The following PCDH9 variants were observed in gnomAD, a reference collection of about 807,000 sequenced individuals.
PCDH9 encodes protocadherin 9.
Under a neutral mutation model 70.6 loss-of-function variants are expected in PCDH9, and 24 were observed. The ratio of observed to expected loss-of-function variants is 0.34; its 90% confidence interval spans 0.25 to 0.48. The LOEUF (loss-of-function observed/expected upper bound fraction) is 0.48. PCDH9 is among the 20% of genes least tolerant of loss of function. PCDH9 has a pLI of 0.99. For missense variants in PCDH9, 1,281 were observed against 1,503.6 expected (o/e 0.85, Z 2.45); for synonymous variants, 562 against 558.5 (o/e 1.01, Z -0.09).
chr13:66,444,813 G>A (rs1420706716), intron 4 of PCDH9, among the ~76,000 whole-genome samples: 1 of 151,764 alleles, frequency 6.6e-6, no homozygotes, highest in East Asian at 1.9e-4. Context: ...CGCCTTCCCC[G>A]GCCTCCCAAA....
intron 3 of PCDH9, among the ~76,000 whole-genome samples, chr13:66,645,472 C>A (rs959764032): frequency 6.6e-6 from 1 of 151,856 alleles, no homozygotes; most frequent in Non-Finnish European, 1.5e-5. Flanking sequence ...AAACTGCATG[C>A]GAGAGACATT....
chr13:66,912,275 T>G (rs2082480420), intron 2 of PCDH9, among the ~76,000 whole-genome samples: 1 of 152,144 alleles, frequency 6.6e-6, no homozygotes, highest in Non-Finnish European at 1.5e-5. Flanking sequence ...AATTGGTGTT[T>G]CAGAATACAC....
intron 3 of PCDH9, among the ~76,000 whole-genome samples, chr13:66,748,806 A>C (rs939370369): frequency 1.3e-5 from 2 of 152,196 alleles, no homozygotes; most frequent in Non-Finnish European, 2.9e-5. Context: ...GAGCACAAAG[A>C]GCTTCAACAT....
intron 4 of PCDH9, among the ~76,000 whole-genome samples, chr13:66,515,895 A>C (rs1177233224): frequency 6.6e-6 from 1 of 152,056 alleles, no homozygotes; most frequent in Non-Finnish European, 1.5e-5. Context: ...TGAGAATATG[A>C]GATCACCACC....
intron 2 of PCDH9, among the ~76,000 whole-genome samples, chr13:67,188,167 T>G (rs562602183): frequency 6.6e-6 from 1 of 152,294 alleles, no homozygotes; most frequent in Non-Finnish European, 1.5e-5. Flanking sequence ...CTGTGTCATA[T>G]GCTTATCATG....
intron 4 of PCDH9, among the ~76,000 whole-genome samples, chr13:66,489,778 A>T (rs1959003682): frequency 6.6e-6 from 1 of 152,168 alleles, no homozygotes; most frequent in South Asian, 2.1e-4. Context: ...CATCGATGAC[A>T]CACATACATT....
intron 4 of PCDH9, among the ~76,000 whole-genome samples, chr13:66,379,871 T>TA (rs942304142): frequency 3.3e-4 from 50 of 151,864 alleles, no homozygotes; most frequent in African/African-American, 9.2e-4. Flanking sequence ...GACTCTGATT[T>TA]AAAAAAAACA....
chr13:67,187,848 C>T (rs1030572055), intron 2 of PCDH9, among the ~76,000 whole-genome samples: 20 of 151,866 alleles, frequency 1.3e-4, no homozygotes, highest in South Asian at 4.2e-4. Context: ...CAATGTATAA[C>T]GATCCAATGG....
At chr13:66,478,022 A>G (rs1427228519) in intron 4 of PCDH9, among the ~76,000 whole-genome samples, 3 of 152,200 alleles carry the variant, frequency 2.0e-5, no homozygotes, top group Non-Finnish European at 2.9e-5. Flanking sequence ...TTGAGCAAGT[A>G]TAGCAGCACC....
At chr13:66,841,505 T>A (rs1333354150) in intron 3 of PCDH9, among the ~76,000 whole-genome samples, 1 of 152,192 alleles carries the variant, frequency 6.6e-6, no homozygotes, top group African/African-American at 2.4e-5. Flanking sequence ...TGTTAAGCAA[T>A]TTAAACAGCA....
intron 3 of PCDH9, among the ~76,000 whole-genome samples, chr13:66,701,070 T>C (rs2078640464): frequency 2.0e-5 from 3 of 150,582 alleles, no homozygotes. Context: ...AAGTTTTCTC[T>C]GGAATGAACA....
At chr13:66,729,088 C>G (rs2079040076) in intron 3 of PCDH9, among the ~76,000 whole-genome samples, 1 of 152,026 alleles carries the variant, frequency 6.6e-6, no homozygotes, top group Non-Finnish European at 1.5e-5. Flanking sequence ...ACATGGATAT[C>G]TATGAAATAT....
intron 4 of PCDH9, among the ~76,000 whole-genome samples, chr13:66,331,322 A>G (rs1566246301): frequency 1.3e-5 from 2 of 152,188 alleles, no homozygotes; most frequent in African/African-American, 2.4e-5. Context: ...TGGCAAATCT[A>G]TAAATGAATG....
At chr13:66,530,057 T>G (rs1201201849) in intron 4 of PCDH9, among the ~76,000 whole-genome samples, 1 of 152,054 alleles carries the variant, frequency 6.6e-6, no homozygotes, top group Non-Finnish European at 1.5e-5. Context: ...AGTTGTTACA[T>G]TGATATTTTG....
At chr13:67,010,124 C>T (rs2084425659) in intron 2 of PCDH9, among the ~76,000 whole-genome samples, 1 of 151,976 alleles carries the variant, frequency 6.6e-6, no homozygotes, top group South Asian at 2.1e-4. Flanking sequence ...AGGTACTGTG[C>T]TAAGAGGTTT....
intron 2 of PCDH9, among the ~76,000 whole-genome samples, chr13:67,065,272 A>C (rs764375189): frequency 6.6e-6 from 1 of 152,102 alleles, no homozygotes; most frequent in African/African-American, 2.4e-5. Flanking sequence ...TAAAGAGCAC[A>C]CTCTAAGAGC....
chr13:67,002,667 T>G (rs2084268620), intron 2 of PCDH9, among the ~76,000 whole-genome samples: 2 of 152,076 alleles, frequency 1.3e-5, no homozygotes, highest in African/African-American at 4.8e-5. Context: ...TTCTCAGAAC[T>G]TAACTTTCAC....
At chr13:66,590,660 G>A (rs918279855) in intron 4 of PCDH9, among the ~76,000 whole-genome samples, 7 of 151,776 alleles carry the variant, frequency 4.6e-5, no homozygotes, top group Non-Finnish European at 8.8e-5. Context: ...CTCAGTGTTT[G>A]CTTTTGATAT....
At chr13:66,689,282 A>G (rs1041335629) in intron 3 of PCDH9, among the ~76,000 whole-genome samples, 1 of 152,160 alleles carries the variant, frequency 6.6e-6, no homozygotes, top group Non-Finnish European at 1.5e-5. Flanking sequence ...ACATTCAGGC[A>G]TGGCTAAAGT....
Sources: gnomAD v4.1 joint callset for allele counts (sites outside exome capture counted in the v4.1 genomes callset) on GRCh38, gnomAD v4.1.1 for gene constraint, MANE v1.5 for transcripts, NCBI Gene and HGNC (gene_info 2026-07-23, HGNC 2026-07-21) for gene names.